The following ABCA13 variants were observed in gnomAD, a reference collection of about 807,000 sequenced individuals.
ABCA13 encodes ATP-binding cassette sub-family A member 13.
ABCA13 carries 476 observed loss-of-function variants against 478.7 expected under a neutral mutation model. That is an observed-to-expected ratio of 0.99 (90% CI 0.92 to 1.07). ABCA13 has a LOEUF of 1.07. Ranked by LOEUF, ABCA13 falls within the 50% of genes least tolerant of loss-of-function variation. The probability of loss-of-function intolerance (pLI) is 0.00; values close to 1 mark genes in which losing one functional copy is unlikely to be tolerated. For synonymous variants in ABCA13, 2,252 were observed against 2,158.9 expected, an observed-to-expected ratio of 1.04 and a Z score of -1.20; for missense variants, 6,060 against 5,910.6, an observed-to-expected ratio of 1.03 and a Z score of -0.83.
Position 48,646,916 on chromosome 7 carries a change from A to G in ABCA13, c.*1404A>G, listed in dbSNP as rs1464610504. On this transcript the variant is annotated 3_prime_UTR_variant, in exon 62 of 62. Transcript: ENST00000435803. The stretch of plus-strand genomic sequence containing the variant: ...GCATTGTCAGATGTAGAGTGCTCAG[A>G]TGTGGCTCTTAAAGACTATATACAT... 1 of 152,218 alleles carries G rather than the reference A, an allele frequency of 6.6e-6. No individual in the cohort carries two copies. Among genetic ancestry groups the G allele is most frequent in the Non-Finnish European group, 1.5e-5 (1 of 68,040 alleles). 9.4% of individuals were successfully genotyped at this position (152,218 alleles called of 1,614,324 possible). A position where few individuals can be genotyped will look rare whatever the true frequency, so the allele number is the denominator to read the frequency against.
chr7:48,594,937 G>T, intron 58 of ABCA13, 124 bp downstream of exon 58: 1 of 778,728 alleles, frequency 1.3e-6, no homozygotes. Context: ...ACACAATAAT[G>T]GTGATATTAT....
chr7:48,251,818 C>T (rs1186450276), intron 15 of ABCA13, among the ~76,000 whole-genome samples: 6 of 151,776 alleles, frequency 4.0e-5, no homozygotes, highest in East Asian at 1.9e-4. Context: ...TCCTCTATGC[C>T]GAGCTCTAGG....
chr7:48,331,350 C>T (rs1392753923), intron 27 of ABCA13, among the ~76,000 whole-genome samples: 1 of 152,134 alleles, frequency 6.6e-6, no homozygotes, highest in Admixed American at 6.5e-5. Flanking sequence ...TCCTGACACA[C>T]TTTTAGTTGG....
chr7:48,296,571 C>G (rs1799403670), intron 21 of ABCA13, among the ~76,000 whole-genome samples: 1 of 151,762 alleles, frequency 6.6e-6, no homozygotes, highest in Admixed American at 6.6e-5. Flanking sequence ...GCCATTCTCC[C>G]TCCTCAGCCT....
At chr7:48,179,153 G>A (rs1053785659) in intron 1 of ABCA13, among the ~76,000 whole-genome samples, 1 of 152,006 alleles carries the variant, frequency 6.6e-6, no homozygotes, top group African/African-American at 2.4e-5. Flanking sequence ...TCAATTACAG[G>A]AAAGGTTTTA....
At chr7:48,404,840 T>A (rs10247716) in intron 39 of ABCA13, among the ~76,000 whole-genome samples, 64,025 of 152,028 alleles carry the variant, frequency 0.42, 13,672 homozygotes, top group Admixed American at 0.49. Context: ...GCATAGAAGA[T>A]CAATCTGTTT....
chr7:48,556,630 AC>A lies in ABCA13; in HGVS notation c.14355-23593del, dbSNP rs200629115. Among the ~76,000 whole-genome samples the A allele has an allele frequency of 6.2e-3, 937 of 152,032 alleles. 9 individuals are homozygous for A. Among genetic ancestry groups the A allele is most frequent in the African/African-American group, 0.022 (893 of 41,530 alleles). ...TGATATAAATATAGCTACTCATGCT[AC>A]ATTTTGGTTTCCATTTGCATGGAAT... On this transcript the variant is annotated intron_variant, in intron 55 of 61. Coordinates refer to ENST00000435803, the MANE Select transcript of ABCA13 (RefSeq NM_152701.5).
chr7:48,389,941 T>TTAA (rs1326259016), intron 37 of ABCA13, among the ~76,000 whole-genome samples: 1 of 152,212 alleles, frequency 6.6e-6, no homozygotes, highest in South Asian at 2.1e-4. Context: ...TGCCTCAGAC[T>TTAA]TAATAAGAAA....
At chr7:48,472,144 A>G (rs1284343686) in intron 45 of ABCA13, among the ~76,000 whole-genome samples, 1 of 152,208 alleles carries the variant, frequency 6.6e-6, no homozygotes. Flanking sequence ...CTCAAAGAAA[A>G]TCTCAGACTC....
chr7:48,199,011 G>A (rs773078405), intron 3 of ABCA13, among the ~76,000 whole-genome samples: 1 of 152,140 alleles, frequency 6.6e-6, no homozygotes, highest in Admixed American at 6.5e-5. Flanking sequence ...ACTTCTCCCA[G>A]GTGAAGTTAG....
chr7:48,572,278 T>A (rs1028663753), intron 55 of ABCA13, among the ~76,000 whole-genome samples: 1 of 152,154 alleles, frequency 6.6e-6, no homozygotes, highest in Non-Finnish European at 1.5e-5. Flanking sequence ...TCTTTTATAT[T>A]TTCCTTTCTA....
chr7:48,605,781 C>T (rs1305992340), intron 58 of ABCA13, among the ~76,000 whole-genome samples: 2 of 152,134 alleles, frequency 1.3e-5, no homozygotes, highest in Non-Finnish European at 2.9e-5. Context: ...TTGTGAAGTT[C>T]TCCTGGATAA....
intron 59 of ABCA13, among the ~76,000 whole-genome samples, chr7:48,618,087 C>T (rs914464483): frequency 6.6e-6 from 1 of 152,174 alleles, no homozygotes; most frequent in Non-Finnish European, 1.5e-5. Context: ...CCCACCTGGG[C>T]TCCCTGAGTT....
At chr7:48,515,199 A>G (rs17730341) in intron 51 of ABCA13, among the ~76,000 whole-genome samples, 45,633 of 152,088 alleles carry the variant, frequency 0.3, 7,810 homozygotes, top group African/African-American at 0.47. Context: ...ATTATTCACC[A>G]TAAGAAAACA....
chr7:48,174,330 T>G (rs542320499), intron 1 of ABCA13, among the ~76,000 whole-genome samples: 1 of 152,300 alleles, frequency 6.6e-6, no homozygotes, highest in South Asian at 2.1e-4. Flanking sequence ...GCATAATAGA[T>G]GTACATAGTG....
chr7:48,606,625 G>A (rs2131515450), intron 58 of ABCA13, among the ~76,000 whole-genome samples: 1 of 152,298 alleles, frequency 6.6e-6, no homozygotes, highest in South Asian at 2.1e-4. Context: ...ACCAGCCAGA[G>A]CTTTCCTGTA....
chr7:48,430,454 T>A (rs528496844), intron 42 of ABCA13, among the ~76,000 whole-genome samples: 1 of 152,232 alleles, frequency 6.6e-6, no homozygotes, highest in East Asian at 1.9e-4. Flanking sequence ...GCTGGGTGGA[T>A]CATGAGGTCA....
In ABCA13 at chr7:48,239,413, C is replaced by T; in HGVS notation, c.1062+8C>T. 1 of 1,608,974 alleles carries T rather than the reference C, an allele frequency of 6.2e-7. No homozygotes were observed. Among genetic ancestry groups the T allele is most frequent in the South Asian group, 1.1e-5 (1 of 90,044 alleles). Reference sequence around the variant, plus strand: ...CTGCGAGTCTACCAACAGGTGCTGTCCCCTCTCTCTATGTTCTGTTCAAAG... The same window carrying T: ...CTGCGAGTCTACCAACAGGTGCTGTTCCCTCTCTCTATGTTCTGTTCAAAG... On this transcript the variant is annotated splice_region_variant and intron_variant, in intron 9 of 61. Coordinates refer to ENST00000435803, the MANE Select transcript of ABCA13 (RefSeq NM_152701.5).
At chr7:48,394,756 T>C (rs1253470718) in intron 38 of ABCA13, among the ~76,000 whole-genome samples, 1 of 152,156 alleles carries the variant, frequency 6.6e-6, no homozygotes, top group Non-Finnish European at 1.5e-5. Context: ...GTAAGTTCTT[T>C]AGTGGTGATT....
Sources: gnomAD v4.1 joint callset for allele counts (sites outside exome capture counted in the v4.1 genomes callset) on GRCh38, gnomAD v4.1.1 for gene constraint, MANE v1.5 for transcripts, NCBI Gene and HGNC (gene_info 2026-07-23, HGNC 2026-07-21) for gene names.